The following UBQLN1 variants were observed in gnomAD, a reference collection of about 807,000 sequenced individuals.
The protein encoded by UBQLN1 is ubiquilin 1, also known as ubiquilin-1.
A neutral mutation model predicts 65.4 loss-of-function variants in UBQLN1; 13 were observed. That is an observed-to-expected ratio of 0.20 (90% CI 0.13 to 0.32). The LOEUF (loss-of-function observed/expected upper bound fraction) is 0.32, where lower values mean the gene tolerates loss of function less well. UBQLN1 is among the 10% of genes least tolerant of loss of function. The pLI, the probability that UBQLN1 is intolerant of heterozygous loss-of-function variation, is 1.00. For missense variants in UBQLN1, 561 were observed against 724.0 expected, an observed-to-expected ratio of 0.77 and a Z score of 2.58; for synonymous variants, 267 against 247.8, an observed-to-expected ratio of 1.08 and a Z score of -0.73.
At position 83,682,544 on chromosome 9, in the gene UBQLN1, G is replaced by A. The variant is rs527702930; in HGVS notation, c.448+407C>T. On this transcript the variant is annotated intron_variant, in intron 3 of 10. Coordinates refer to ENST00000376395, the MANE Select transcript of UBQLN1 (RefSeq NM_013438.5). ...AAGAAAAACAAAAGCAGTTTTAGGC[G>A]AGGCTGGCTTCCCAGACCCCCTTCC... 3.9e-5 allele frequency among the ~76,000 whole-genome samples: 6 copies of A among 152,186 alleles called. No homozygotes were observed. The East Asian group carries it at 7.7e-4, about 20-fold the overall frequency.
chr9:83,664,985 A>C, intron 9 of UBQLN1, 45 bp downstream of exon 9: 1 of 1,357,888 alleles, frequency 7.4e-7, no homozygotes, highest in Non-Finnish European at 1.0e-6. Context: ...TTCTCAGAGA[A>C]AGTAACCATT....
chr9:83,669,156 A>T, intron 7 of UBQLN1, 29 bp downstream of exon 7: 1 of 1,594,128 alleles, frequency 6.3e-7, no homozygotes, highest in Non-Finnish European at 8.5e-7. Context: ...CACACTGCAC[A>T]GTCTTTTTCA....
chr9:83,664,599 A>G (rs1219240057), intron 9 of UBQLN1, among the ~76,000 whole-genome samples: 1 of 152,002 alleles, frequency 6.6e-6, no homozygotes, highest in Non-Finnish European at 1.5e-5. Context: ...ATAAATAAAT[A>G]AGTAAATAAA....
Position 83,663,956 on chromosome 9 carries a change from A to C in UBQLN1, c.1536T>G (p.Ser512Arg). ...GSNATPSENT[S>R]PTAGTTEPGH... ...CAGGTTCAGTGGTTCCTGCTGTGGG[A>C]CTTGTGTTTTCACTAGGTGTGGCGT... The change falls in exon 10 of 11, where the codon AGT (serine) becomes AGG (arginine). Residue 512 changes from serine to arginine, a missense_variant. Ser to Arg is a moderately radical substitution (Grantham distance 110). Transcript: ENST00000376395. 6.2e-7 allele frequency: 1 copy of C among 1,614,174 alleles called. No homozygotes were observed.
intron 1 of UBQLN1, among the ~76,000 whole-genome samples, chr9:83,691,488 T>C (rs1037286894): frequency 3.9e-5 from 6 of 152,220 alleles, no homozygotes; most frequent in African/African-American, 1.4e-4. Flanking sequence ...GAGTTGTCAG[T>C]ATCAGTACCT....
intron 6 of UBQLN1, among the ~76,000 whole-genome samples, chr9:83,676,142 T>C (rs2131155711): frequency 6.6e-6 from 1 of 152,320 alleles, no homozygotes; most frequent in Admixed American, 6.5e-5. Flanking sequence ...TCTTTACATG[T>C]GTATGTGTGC....
Position 83,682,977 on chromosome 9 carries a change from G to A in UBQLN1, c.422C>T (p.Ser141Phe). The A allele has an allele frequency of 3.1e-6, 5 of 1,611,256 alleles. No homozygotes were observed. The highest frequency in any genetic ancestry group is 4.2e-6 in the Non-Finnish European group (5 of 1,178,446). ...STPNSNSTSG[S>F]ATSNPFGLGG... is the part of the protein sequence containing the mutation. Reference sequence around the variant, plus strand: ...TAAACCAAAAGGGTTGCTAGTAGCAGAACCAGATGTAGAGTTACTATTAGG... The same window carrying A: ...TAAACCAAAAGGGTTGCTAGTAGCAAAACCAGATGTAGAGTTACTATTAGG... The change falls in exon 3 of 11, where the codon TCT becomes TTT. Residue 141 changes from serine to phenylalanine, a missense_variant. Transcript: ENST00000376395.
chr9:83,685,747 T>A (rs1239571002), intron 2 of UBQLN1, among the ~76,000 whole-genome samples: 1 of 152,234 alleles, frequency 6.6e-6, no homozygotes, highest in Non-Finnish European at 1.5e-5. Flanking sequence ...AAAACTTGCC[T>A]GTTCTAATGC....
intron 1 of UBQLN1, among the ~76,000 whole-genome samples, chr9:83,700,854 T>C (rs1832298134): frequency 6.6e-6 from 1 of 152,164 alleles, no homozygotes; most frequent in Non-Finnish European, 1.5e-5. Context: ...CGCTACTCCA[T>C]TATATATTCT....
chr9:83,671,439 CTCCTTG>C (rs1485860248), intron 6 of UBQLN1, among the ~76,000 whole-genome samples: 29 of 152,254 alleles, frequency 1.9e-4, no homozygotes, highest in African/African-American at 6.3e-4. Flanking sequence ...GTTGAAAGTG[CTCCTTG>C]ATCCATGGGC....
intron 2 of UBQLN1, among the ~76,000 whole-genome samples, chr9:83,685,047 T>C (rs1398551337): frequency 1.3e-5 from 2 of 152,188 alleles, no homozygotes; most frequent in Admixed American, 1.3e-4. Flanking sequence ...CACTGTTGTA[T>C]CATATGTAAC....
In UBQLN1 at chr9:83,707,945, G is replaced by A. The variant is rs976962511; in HGVS notation, c.-266C>T. 3 of 503,222 alleles carry A rather than the reference G, an allele frequency of 6.0e-6. No homozygotes were observed. The highest frequency in any genetic ancestry group is 2.0e-5 in the African/African-American group (1 of 49,326). 31.2% of individuals were successfully genotyped at this position (503,222 alleles called of 1,614,324 possible). A position where few individuals can be genotyped will look rare whatever the true frequency, so the allele number is the denominator to read the frequency against. On this transcript the variant is annotated 5_prime_UTR_variant, in exon 1 of 11. Transcript: ENST00000376395. ...CACACCGACATCCGCAGCAGCCACCGCTTCCTCCTCCCTGCCCCTTCCCCC... is the reference window on the plus strand; with the variant it reads ...CACACCGACATCCGCAGCAGCCACCACTTCCTCCTCCCTGCCCCTTCCCCC...
chr9:83,668,196 A>T, intron 7 of UBQLN1: 2 of 985,246 alleles, frequency 2.0e-6, no homozygotes, highest in Non-Finnish European at 2.4e-6. Context: ...AAAATTTGTT[A>T]TTTCCAATTC....
intron 1 of UBQLN1, among the ~76,000 whole-genome samples, chr9:83,689,080 CA>C (rs1198842777): frequency 6.6e-6 from 1 of 152,116 alleles, no homozygotes; most frequent in Non-Finnish European, 1.5e-5. Flanking sequence ...AGCTATCACC[CA>C]CCTATGGCTC....
intron 7 of UBQLN1, chr9:83,666,980 C>T (rs1831654169): frequency 3.3e-5 from 5 of 152,292 alleles, no homozygotes; most frequent in Admixed American, 3.3e-4. Context: ...ACCAACTTGC[C>T]AGAGAAATGG....
chr9:83,705,418 T>C (rs1277174284), intron 1 of UBQLN1, among the ~76,000 whole-genome samples: 1 of 152,114 alleles, frequency 6.6e-6, no homozygotes, highest in Non-Finnish European at 1.5e-5. Flanking sequence ...CCCAGCTAAG[T>C]TTTGTATTTT....
chr9:83,679,636 G>T, intron 4 of UBQLN1, 139 bp downstream of exon 4: 2 of 892,544 alleles, frequency 2.2e-6, no homozygotes, highest in Non-Finnish European at 3.3e-6. Context: ...TTAGCGCTTT[G>T]TTGAGTTTTC....
At chr9:83,688,501 A>AC (rs1403542251) in intron 1 of UBQLN1, among the ~76,000 whole-genome samples, 2 of 152,162 alleles carry the variant, frequency 1.3e-5, no homozygotes, top group African/African-American at 4.8e-5. Context: ...TAAGTGACTT[A>AC]ATTACTGAAC....
chr9:83,684,406 G>A (rs932568986), intron 2 of UBQLN1, among the ~76,000 whole-genome samples: 1 of 151,830 alleles, frequency 6.6e-6, no homozygotes, highest in African/African-American at 2.4e-5. Context: ...TGTTTACCAC[G>A]CTGCTCTGGA....
Sources: gnomAD v4.1 joint callset for allele counts (sites outside exome capture counted in the v4.1 genomes callset) on GRCh38, gnomAD v4.1.1 for gene constraint, MANE v1.5 for transcripts, NCBI Gene and HGNC (gene_info 2026-07-23, HGNC 2026-07-21) for gene names.